LRRIQ3: variants seen among roughly 807,000 people sequenced by gnomAD.
LRRIQ3 encodes the protein leucine rich repeats and IQ motif containing 3, also known as leucine-rich repeat and IQ domain-containing protein 3.
In LRRIQ3, 75 loss-of-function variants were observed where a neutral mutation model predicts 59.3. That is an observed-to-expected ratio of 1.26 (90% CI 1.05 to 1.53). The LOEUF (loss-of-function observed/expected upper bound fraction) is 1.53, where lower values mean the gene tolerates loss of function less well. Among genes scored for constraint, LRRIQ3 ranks in the 40% most tolerant of loss-of-function variants. The pLI is 0.00. For synonymous variants in LRRIQ3, 250 were observed against 231.3 expected (o/e 1.08, Z -0.73); for missense variants, 831 against 710.0 (o/e 1.17, Z -1.94).
intron 6 of LRRIQ3, 40 bp downstream of exon 6, chr1:74,074,621 A>T: frequency 2.1e-6 from 2 of 937,694 alleles, no homozygotes; most frequent in Non-Finnish European, 2.9e-6. Context: ...CTTCATCAAA[A>T]TATATTTATT....
At chr1:74,117,294 C>T (rs1646790472) in intron 4 of LRRIQ3, among the ~76,000 whole-genome samples, 1 of 152,144 alleles carries the variant, frequency 6.6e-6, no homozygotes, top group Non-Finnish European at 1.5e-5. Context: ...CAACCACCTT[C>T]ATTCCTGTGG....
At chr1:74,093,351 A>C (rs1028802981) in intron 5 of LRRIQ3, among the ~76,000 whole-genome samples, 4 of 152,110 alleles carry the variant, frequency 2.6e-5, no homozygotes, top group Admixed American at 2.0e-4. Context: ...TCAAAAGAAG[A>C]GAGTGTTTAC....
intron 5 of LRRIQ3, among the ~76,000 whole-genome samples, chr1:74,095,920 T>C (rs548287345): frequency 6.6e-6 from 1 of 152,026 alleles, no homozygotes; most frequent in Non-Finnish European, 1.5e-5. Flanking sequence ...GCTTCAAAAT[T>C]ATGAGGCCCC....
At chr1:74,057,356 G>T (rs576807271) in intron 6 of LRRIQ3, among the ~76,000 whole-genome samples, 12 of 151,992 alleles carry the variant, frequency 7.9e-5, no homozygotes, top group South Asian at 2.1e-4. Context: ...ATACTAAAAC[G>T]GTATAGTAAC....
At chr1:74,197,685 A>G (rs1240540390) in intron 1 of LRRIQ3, among the ~76,000 whole-genome samples, 1 of 152,108 alleles carries the variant, frequency 6.6e-6, no homozygotes, top group African/African-American at 2.4e-5. Context: ...AAGAAAAAAC[A>G]GAGGGGTGGG....
intron 4 of LRRIQ3, among the ~76,000 whole-genome samples, chr1:74,127,725 T>C (rs977414097): frequency 2.0e-5 from 3 of 151,940 alleles, no homozygotes; most frequent in African/African-American, 7.2e-5. Context: ...ATCTTCTAGG[T>C]TGTTTTTACT....
intron 3 of LRRIQ3, among the ~76,000 whole-genome samples, chr1:74,163,550 C>T (rs1159240011): frequency 6.6e-6 from 1 of 151,574 alleles, no homozygotes; most frequent in African/African-American, 2.4e-5. Context: ...TAGCATTATT[C>T]TATGGACATT....
intron 4 of LRRIQ3, among the ~76,000 whole-genome samples, chr1:74,123,950 A>G (rs1428079176): frequency 6.6e-6 from 1 of 151,896 alleles, no homozygotes; most frequent in Non-Finnish European, 1.5e-5. Flanking sequence ...TATACTACAG[A>G]GATATAGTAA....
At chr1:74,099,336 C>G (rs947367334) in intron 5 of LRRIQ3, among the ~76,000 whole-genome samples, 4 of 152,102 alleles carry the variant, frequency 2.6e-5, no homozygotes, top group African/African-American at 9.7e-5. Context: ...GACCCATACA[C>G]CCTCCCAAGA....
chr1:74,150,681 ACAAT>A (rs1349640915), intron 4 of LRRIQ3, among the ~76,000 whole-genome samples: 1 of 152,144 alleles, frequency 6.6e-6, no homozygotes, highest in Non-Finnish European at 1.5e-5. Flanking sequence ...ATACAATCAG[ACAAT>A]CAGAGTTAAA....
chr1:74,062,137 G>C (rs2100446695), intron 6 of LRRIQ3, among the ~76,000 whole-genome samples: 1 of 152,236 alleles, frequency 6.6e-6, no homozygotes, highest in East Asian at 1.9e-4. Context: ...TACAGAATGG[G>C]AGAAAATATT....
chr1:74,030,232 C>T (rs1214401807), intron 7 of LRRIQ3, among the ~76,000 whole-genome samples: 3 of 151,988 alleles, frequency 2.0e-5, no homozygotes, highest in Non-Finnish European at 4.4e-5. Flanking sequence ...CCCCATCAAG[C>T]TACCAATGAC....
At chr1:74,178,598 T>C (rs190651580) in intron 3 of LRRIQ3, among the ~76,000 whole-genome samples, 1 of 152,296 alleles carries the variant, frequency 6.6e-6, no homozygotes, top group African/African-American at 2.4e-5. Flanking sequence ...TACTGCATTA[T>C]CAATTTGTTT....
At chr1:74,053,840 G>A (rs1654444844) in intron 6 of LRRIQ3, among the ~76,000 whole-genome samples, 1 of 152,066 alleles carries the variant, frequency 6.6e-6, no homozygotes, top group Non-Finnish European at 1.5e-5. Flanking sequence ...CTACTAGAAT[G>A]GCCAAAATTC....
intron 7 of LRRIQ3, among the ~76,000 whole-genome samples, chr1:74,032,126 T>G (rs1249521791): frequency 6.6e-6 from 1 of 151,962 alleles, no homozygotes; most frequent in Non-Finnish European, 1.5e-5. Flanking sequence ...GAAATTAACA[T>G]TTACATTTGT....
At chr1:74,172,363 T>C (rs1246786909) in intron 3 of LRRIQ3, among the ~76,000 whole-genome samples, 1 of 152,162 alleles carries the variant, frequency 6.6e-6, no homozygotes, top group Non-Finnish European at 1.5e-5. Flanking sequence ...GACTCAATAG[T>C]TGTTTAATTT....
intron 4 of LRRIQ3, among the ~76,000 whole-genome samples, chr1:74,117,792 C>T (rs143900194): frequency 1.3e-3 from 196 of 152,114 alleles, no homozygotes; most frequent in African/African-American, 4.6e-3. Flanking sequence ...CACCATATAA[C>T]TAGCAATTAC....
At position 74,026,311 on chromosome 1, in the gene LRRIQ3, A is replaced by T. The variant is rs969364136; in HGVS notation, c.*502T>A. The T allele has an allele frequency of 2.0e-5, 3 of 152,224 alleles. No homozygotes were observed. Among genetic ancestry groups the T allele is most frequent in the Non-Finnish European group, 4.4e-5 (3 of 68,070 alleles). 9.4% of individuals were successfully genotyped at this position (152,224 alleles called of 1,614,324 possible). On this transcript the variant is annotated 3_prime_UTR_variant, in exon 8 of 8. Coordinates refer to ENST00000354431, the MANE Select transcript of LRRIQ3 (RefSeq NM_001105659.2). ...CTGAATTTTTATAACAGCATATATC[A>T]CTGACAAAATATTGAAACCATACTT...
intron 3 of LRRIQ3, among the ~76,000 whole-genome samples, chr1:74,167,734 A>G (rs1460178121): frequency 2.0e-5 from 3 of 151,868 alleles, no homozygotes; most frequent in Non-Finnish European, 4.4e-5. Flanking sequence ...GTAACCAAAC[A>G]GCACCTGTTC....
Sources: gnomAD v4.1 joint callset for allele counts (sites outside exome capture counted in the v4.1 genomes callset) on GRCh38, gnomAD v4.1.1 for gene constraint, MANE v1.5 for transcripts, NCBI Gene and HGNC (gene_info 2026-07-23, HGNC 2026-07-21) for gene names.